WDR17: variants seen among roughly 807,000 people sequenced by gnomAD.
The protein encoded by WDR17 is WD repeat domain 17.
A neutral mutation model predicts 161.7 loss-of-function variants in WDR17; 143 were observed. The ratio of observed to expected loss-of-function variants is 0.88; its 90% CI spans 0.77 to 1.02. WDR17 has a LOEUF of 1.02. Among genes scored for constraint, WDR17 ranks in the 50% least tolerant of loss-of-function variants. The pLI, the probability that WDR17 is intolerant of heterozygous loss-of-function variation, is 0.00. For synonymous variants in WDR17, 517 were observed against 515.6 expected (o/e 1.00, Z -0.04); for missense variants, 1,469 against 1,520.9 (o/e 0.97, Z 0.57).
At position 176,130,586 on chromosome 4, in the gene WDR17, TACA is replaced by T. The variant is rs1336562627; in HGVS notation, c.914-966_914-964del. On this transcript the variant is annotated intron_variant, in intron 6 of 28. Coordinates refer to ENST00000508596, the MANE Select transcript of WDR17 (RefSeq NM_181265.4). ...AGTGAAACCCTGTCTCTACTAAAAA[TACA>T]AAAAAATTAGCCGGGCGTGGTGGCA... is the stretch of plus-strand genomic sequence containing the variant. 5.3e-5 allele frequency among the ~76,000 whole-genome samples: 7 copies of T among 132,602 alleles called. No individual in the cohort carries two copies. In the East Asian group the frequency reaches 1.5e-3, roughly 28 times the overall value. 87.0% of individuals were successfully genotyped at this position (132,602 alleles called of 152,430 possible).
intron 22 of WDR17, among the ~76,000 whole-genome samples, chr4:176,165,589 A>G (rs1461292398): frequency 1.3e-5 from 2 of 152,206 alleles, no homozygotes; most frequent in Middle Eastern, 3.2e-3. Flanking sequence ...TATGTATTAT[A>G]TACTGTATTC....
At chr4:176,098,925 C>A (rs929884975) in intron 1 of WDR17, among the ~76,000 whole-genome samples, 18 of 151,606 alleles carry the variant, frequency 1.2e-4, no homozygotes, top group African/African-American at 4.4e-4. Flanking sequence ...GTTTGTAAGA[C>A]CTGTAAAAGC....
chr4:176,082,474 C>A (rs146088079), intron 1 of WDR17, among the ~76,000 whole-genome samples: 13 of 152,040 alleles, frequency 8.6e-5, no homozygotes, highest in Non-Finnish European at 1.8e-4. Context: ...GGCTGCATAA[C>A]CGAGAAATGC....
In WDR17 at chr4:176,181,827, A is replaced by T. The variant is rs1173282768; in HGVS notation, c.*2248A>T. 2 of 152,116 alleles carry T rather than the reference A, an allele frequency of 1.3e-5. No individual in the cohort carries two copies. Among genetic ancestry groups the T allele is most frequent in the Admixed American group, 6.5e-5 (1 of 15,270 alleles). 9.4% of individuals were successfully genotyped at this position (152,116 alleles called of 1,614,324 possible). A position where few individuals can be genotyped will look rare whatever the true frequency, so the allele number is the denominator to read the frequency against. The stretch of plus-strand genomic sequence containing the variant: ...TAATATTTTTATGTATAAAAGATGA[A>T]GAAAAAATTTTGCAAGTCTTTAAGC... On this transcript the variant is annotated 3_prime_UTR_variant, in exon 29 of 29. Transcript: ENST00000508596.
intron 18 of WDR17, among the ~76,000 whole-genome samples, chr4:176,158,964 GA>G (rs1489806996): frequency 1.3e-5 from 2 of 152,188 alleles, no homozygotes; most frequent in East Asian, 3.9e-4. Context: ...GCTATAACAA[GA>G]AAATCAAAGT....
Position 176,173,286 on chromosome 4 carries a change from C to A in WDR17, c.3264C>A (p.Asp1088Glu). ...SFVKEYISSS[D>E]WTLDTIYPVL... ...TTCCAGAATACATCAGTAGCTCAGA[C>A]TGGACTTTGGATACCATATACCCTG... The change falls in exon 25 of 29, where the codon GAC becomes GAA. Residue 1088 changes from aspartate to glutamate, a missense_variant. Coordinates refer to ENST00000508596, the MANE Select transcript of WDR17 (RefSeq NM_181265.4). 1 of 1,611,112 alleles carries A rather than the reference C, an allele frequency of 6.2e-7. No homozygotes were observed. Among genetic ancestry groups the A allele is most frequent in the Non-Finnish European group, 8.5e-7 (1 of 1,178,856 alleles).
intron 7 of WDR17, among the ~76,000 whole-genome samples, chr4:176,133,770 T>C (rs1211475515): frequency 6.6e-6 from 1 of 151,574 alleles, no homozygotes; most frequent in African/African-American, 2.4e-5. Flanking sequence ...TTTTTTAAAA[T>C]CTTACATAAT....
At chr4:176,086,962 A>G (rs984352351) in intron 1 of WDR17, among the ~76,000 whole-genome samples, 6 of 151,948 alleles carry the variant, frequency 3.9e-5, no homozygotes, top group Non-Finnish European at 8.8e-5. Flanking sequence ...ATGGTTTAAT[A>G]CAAATGATTA....
chr4:176,164,613 G>A (rs72706352), intron 22 of WDR17, among the ~76,000 whole-genome samples: 4,915 of 152,230 alleles, frequency 0.032, 113 homozygotes, highest in Middle Eastern at 0.071. Flanking sequence ...GGTCCCAAGC[G>A]TTTCAGATGA....
At chr4:176,145,253 CT>C (rs35963640) in intron 11 of WDR17, among the ~76,000 whole-genome samples, 31,417 of 152,096 alleles carry the variant, frequency 0.21, 3,339 homozygotes, top group South Asian at 0.26. Context: ...CTTCCTACTA[CT>C]CATAATTCCT....
Position 176,149,868 on chromosome 4 carries a change from G to A in WDR17, c.1959G>A (p.Val653=). 6.2e-7 allele frequency: 1 copy of A among 1,614,070 alleles called. No individual in the cohort carries two copies. The highest frequency in any genetic ancestry group is 1.1e-5 in the South Asian group (1 of 91,060). The change falls in exon 14 of 29, where the codon GTG becomes GTA. Residue 653 remains valine, a synonymous_variant. Transcript: ENST00000508596. ...TMASCSRDST[V]RLWSLTALVT... is the part of the protein sequence containing the mutation. ...CCTCTTGCTCCCGTGACTCTACAGTGAGACTCTGGTCATTAACAGCCTTAG... is the reference window on the plus strand; with the variant it reads ...CCTCTTGCTCCCGTGACTCTACAGTAAGACTCTGGTCATTAACAGCCTTAG...
At position 176,146,023 on chromosome 4, in the gene WDR17, A is replaced by G. The variant is rs961694344; in HGVS notation, c.1558A>G (p.Thr520Ala). 1.9e-6 allele frequency: 3 copies of G among 1,613,802 alleles called. No individual in the cohort carries two copies. Among genetic ancestry groups the G allele is most frequent in the Non-Finnish European group, 8.5e-7 (1 of 1,179,900 alleles). The change falls in exon 12 of 29, where the codon ACA (threonine) becomes GCA (alanine). Residue 520 changes from threonine (T) to alanine (A), a missense_variant. Coordinates refer to ENST00000508596, the MANE Select transcript of WDR17 (RefSeq NM_181265.4). Reference protein sequence around the residue: ...KDMIATGCEDTNVRVYYVATS... With the variant: ...KDMIATGCEDANVRVYYVATS... ...CATGATAGCCACTGGCTGTGAAGAC[A>G]CAAATGTTCGTGTTTATTATGTAGC...
At chr4:176,103,170 C>G (rs1174208111) in intron 1 of WDR17, among the ~76,000 whole-genome samples, 1 of 152,092 alleles carries the variant, frequency 6.6e-6, no homozygotes, top group Non-Finnish European at 1.5e-5. Context: ...AATTCAAAAG[C>G]AACTGCCTAT....
At chr4:176,081,820 CT>C (rs1296191940) in intron 1 of WDR17, among the ~76,000 whole-genome samples, 2 of 152,122 alleles carry the variant, frequency 1.3e-5, no homozygotes, top group Non-Finnish European at 2.9e-5. Context: ...ACCTAGGCCT[CT>C]AATTGTCCAG....
rs528990630 is a variant in WDR17 at position 176,142,487 on chromosome 4, A to G, written c.1529+418A>G. Among the ~76,000 whole-genome samples the G allele has an allele frequency of 1.6e-3, 238 of 152,270 alleles. 1 individual carries two copies. Among genetic ancestry groups the G allele is most frequent in the African/African-American group, 4.7e-3 (196 of 41,552 alleles). Reference sequence around the variant, plus strand: ...GATGCTAATGCCTCTGGCACTGGGTAATTTTCCACGATGTGGAACTTAAGT... The same window carrying G: ...GATGCTAATGCCTCTGGCACTGGGTGATTTTCCACGATGTGGAACTTAAGT... On this transcript the variant is annotated intron_variant, in intron 11 of 28. Transcript: ENST00000508596.
chr4:176,108,756 TA>T (rs903373304), intron 1 of WDR17, among the ~76,000 whole-genome samples: 9 of 152,144 alleles, frequency 5.9e-5, no homozygotes, highest in African/African-American at 1.9e-4. Context: ...TAAAAATGTG[TA>T]AAAAACATTA....
chr4:176,125,138 A>C lies in WDR17; in HGVS notation c.573A>C (p.Glu191Asp), dbSNP rs772645285. 6.8e-6 allele frequency: 11 copies of C among 1,614,164 alleles called. No individual in the cohort carries two copies. In the South Asian group the frequency reaches 1.1e-4, roughly 16 times the overall value. The change falls in exon 5 of 29, where the codon GAA (glutamate) becomes GAC (aspartate). Residue 191 changes from glutamate (E) to aspartate (D), a missense_variant. Transcript: ENST00000508596. Reference sequence around the variant, plus strand: ...ATCAGAAACATGTTTTGAGACCAGAATCTCTTGAAGGGACAGATGAAGAGG... The same window carrying C: ...ATCAGAAACATGTTTTGAGACCAGACTCTCTTGAAGGGACAGATGAAGAGG... ...NKNQKHVLRP[E>D]SLEGTDEEDP...
chr4:176,134,291 A>G (rs1207221001), intron 7 of WDR17, among the ~76,000 whole-genome samples: 2 of 151,634 alleles, frequency 1.3e-5, no homozygotes, highest in Non-Finnish European at 3.0e-5. Flanking sequence ...TTGTACTTCA[A>G]CTCCGTCTCT....
intron 22 of WDR17, among the ~76,000 whole-genome samples, chr4:176,165,168 C>CAA (rs199827209): frequency 0.016 from 1,857 of 116,670 alleles, 20 homozygotes; most frequent in Middle Eastern, 0.036. Flanking sequence ...CTCTAAAATA[C>CAA]AAAAAAAAAA....
Sources: gnomAD v4.1 joint callset for allele counts (sites outside exome capture counted in the v4.1 genomes callset) on GRCh38, gnomAD v4.1.1 for gene constraint, MANE v1.5 for transcripts, NCBI Gene and HGNC (gene_info 2026-07-23, HGNC 2026-07-21) for gene names.